RCOR3: variants seen among roughly 807,000 people sequenced by gnomAD.
RCOR3 encodes the protein REST corepressor 3.
RCOR3 carries 13 observed loss-of-function variants against 64.1 expected under a neutral mutation model. That is an observed-to-expected ratio of 0.20 (90% CI 0.13 to 0.32). RCOR3 has a LOEUF of 0.32. RCOR3 is among the 10% of genes least tolerant of loss of function. RCOR3 has a pLI of 1.00. For missense variants in RCOR3, 489 were observed against 701.2 expected (o/e 0.70, Z 3.42); for synonymous variants, 215 against 239.0 (o/e 0.90, Z 0.93).
In RCOR3 at chr1:211,272,612, C is replaced by CTTTTTTTTTTTTTT. The variant is rs768152573; in HGVS notation, c.301+1317_301+1330dup. Among the ~76,000 whole-genome samples the CTTTTTTTTTTTTTT allele has an allele frequency of 6.9e-5, 3 of 43,514 alleles. 1 individual carries two copies. The highest frequency in any genetic ancestry group is 1.9e-4 in the African/African-American group (2 of 10,302). The allele number at this position is 43,514 out of a possible 152,430, so 28.5% of individuals were successfully genotyped here. ...TCAAGGGTGGATCCTGGATGTCTTA[C>CTTTTTTTTTTTTTT]TTTTTTTTTTTTTTTTTTTTTTTTT... On this transcript the variant is annotated intron_variant, in intron 3 of 11. Transcript: ENST00000419091.
Position 211,313,437 on chromosome 1 carries a change from A to G in RCOR3, c.1331A>G (p.Gln444Arg). Residue 444 changes from glutamine to arginine, a missense_variant, in exon 12 of 12, where the codon CAG (glutamine) becomes CGG (arginine). This residue lies in a region of RCOR3 where 402 missense variants were observed against 617.0 expected (regional missense o/e 0.65). Coordinates refer to ENST00000419091, the MANE Select transcript of RCOR3 (RefSeq NM_001136223.3). This position sits in a 1 kb window ranked among gnomAD's most constrained non-coding sequence, Gnocchi z 4.7. ...TDEEEEAQTP[Q>R]APRTLGPSPP... is the part of the protein sequence containing the mutation. ...CCTCACCTCTAGGCACAGACCCCAC[A>G]GGCTCCTCGGACACTGGGTCCATCA... 6.2e-7 allele frequency: 1 copy of G among 1,613,472 alleles called. No homozygotes were observed. The highest frequency in any genetic ancestry group is 1.1e-5 in the South Asian group (1 of 90,998).
intron 7 of RCOR3, among the ~76,000 whole-genome samples, chr1:211,282,774 C>T (rs909788741): frequency 1.3e-5 from 2 of 152,212 alleles, no homozygotes; most frequent in African/African-American, 4.8e-5. Context: ...GCTGGGATTA[C>T]AGGCGTGAGC....
At chr1:211,307,364 G>T (rs938173496) in intron 10 of RCOR3, among the ~76,000 whole-genome samples, 8 of 151,802 alleles carry the variant, frequency 5.3e-5, no homozygotes, top group Non-Finnish European at 7.4e-5. Context: ...TGGTGCACAC[G>T]TGTAGTCCCA....
At chr1:211,265,984 T>A (rs1695116808) in intron 2 of RCOR3, among the ~76,000 whole-genome samples, 1 of 151,792 alleles carries the variant, frequency 6.6e-6, no homozygotes, top group African/African-American at 2.4e-5. Flanking sequence ...GAGAGAAGGG[T>A]ATTTGTGAAG....
chr1:211,279,412 T>A, intron 7 of RCOR3, 96 bp downstream of exon 7: 1 of 832,692 alleles, frequency 1.2e-6, no homozygotes, highest in Admixed American at 2.3e-5. Context: ...TTTAATGTAA[T>A]GCTTTATGAG....
chr1:211,262,957 G>A (rs1413070362), intron 2 of RCOR3, among the ~76,000 whole-genome samples: 19 of 150,152 alleles, frequency 1.3e-4, no homozygotes, highest in African/African-American at 4.4e-4. Context: ...GTGCCATGCT[G>A]GTGTGCTGCA....
At position 211,313,195 on chromosome 1, in the gene RCOR3, T is replaced by C; in HGVS notation, c.1318-229T>C. On this transcript the variant is annotated intron_variant, in intron 11 of 11. Transcript: ENST00000419091. This position sits in a 1 kb window ranked among gnomAD's most constrained non-coding sequence, Gnocchi z 4.7. ...TTCATAGTCTTATTTTTATTTTCAGTGTTAAGCTGTTTACAAATAAAGATG... is the reference window on the plus strand; with the variant it reads ...TTCATAGTCTTATTTTTATTTTCAGCGTTAAGCTGTTTACAAATAAAGATG... 1 of 1,433,330 alleles carries C rather than the reference T, an allele frequency of 7.0e-7. No individual in the cohort carries two copies. Among genetic ancestry groups the C allele is most frequent in the South Asian group, 1.5e-5 (1 of 64,662 alleles). 88.8% of individuals were successfully genotyped at this position (1,433,330 alleles called of 1,614,324 possible).
intron 9 of RCOR3, chr1:211,302,650 CAAT>C: frequency 6.6e-6 from 1 of 152,186 alleles, no homozygotes; most frequent in Non-Finnish European, 1.5e-5. Context: ...GATTGAACTG[CAAT>C]CAACCTTTTA....
chr1:211,288,234 TA>T (rs1425233172), intron 7 of RCOR3, among the ~76,000 whole-genome samples: 1 of 151,766 alleles, frequency 6.6e-6, no homozygotes, highest in South Asian at 2.1e-4. Context: ...ATTGGATTAT[TA>T]AATATATTCA....
intron 2 of RCOR3, among the ~76,000 whole-genome samples, chr1:211,262,093 A>G: frequency 9.3e-6 from 1 of 107,766 alleles, no homozygotes; most frequent in East Asian, 3.2e-4. Context: ...GCTGGAGTGC[A>G]GTGGCGTAAT....
chr1:211,304,019 A>T, intron 9 of RCOR3, 64 bp from the exon 10 acceptor site: 1 of 1,156,116 alleles, frequency 8.6e-7, no homozygotes. Context: ...ATTTAAAAAA[A>T]TAAGCGCTTT....
intron 10 of RCOR3, among the ~76,000 whole-genome samples, chr1:211,308,352 A>G (rs1342842168): frequency 6.6e-6 from 1 of 152,120 alleles, no homozygotes; most frequent in Non-Finnish European, 1.5e-5. Flanking sequence ...TTCTGCTGCT[A>G]TTGCTACCTT....
chr1:211,265,233 GTCT>G (rs1319909599), intron 2 of RCOR3, among the ~76,000 whole-genome samples: 1 of 152,056 alleles, frequency 6.6e-6, no homozygotes, highest in Admixed American at 6.6e-5. Context: ...TGATAATAAA[GTCT>G]TTATCTGTAT....
Position 211,308,460 on chromosome 1 carries a change from A to G in RCOR3, c.1076-4260A>G, listed in dbSNP as rs546000308. Among the ~76,000 whole-genome samples, 7 of 152,294 alleles carry G rather than the reference A, an allele frequency of 4.6e-5. No homozygotes were observed. The South Asian group carries it at 1.4e-3, about 32-fold the overall frequency. ...TGAGTTTAAAACATATGTCTTAATGATAGAAAAGAATCATATCCCTGGAGT... is the reference window on the plus strand; with the variant it reads ...TGAGTTTAAAACATATGTCTTAATGGTAGAAAAGAATCATATCCCTGGAGT... On this transcript the variant is annotated intron_variant, in intron 10 of 11. Transcript: ENST00000419091.
At chr1:211,263,552 C>T (rs1306256530) in intron 2 of RCOR3, among the ~76,000 whole-genome samples, 2 of 152,150 alleles carry the variant, frequency 1.3e-5, no homozygotes, top group African/African-American at 4.8e-5. Flanking sequence ...CCTAAGGACA[C>T]AATTAAAACT....
In RCOR3 at chr1:211,278,250, G is replaced by T. The variant is rs765345230; in HGVS notation, c.641+9G>T. On this transcript the variant is annotated intron_variant, in intron 6 of 11. Coordinates refer to ENST00000419091, the MANE Select transcript of RCOR3 (RefSeq NM_001136223.3). ...CATAATCAGGGTGACAGGTAGGTTG[G>T]TTACCTTCATATAGTTACATTGTTA... 6.2e-7 allele frequency: 1 copy of T among 1,613,420 alleles called. No individual in the cohort carries two copies. Among genetic ancestry groups the T allele is most frequent in the South Asian group, 1.1e-5 (1 of 91,014 alleles).
chr1:211,260,221 G>C, intron 2 of RCOR3, 57 bp downstream of exon 2: 1 of 1,552,468 alleles, frequency 6.4e-7, no homozygotes, highest in Non-Finnish European at 8.9e-7. Flanking sequence ...TTGGTTTGGG[G>C]TGGACGGGCT....
intron 3 of RCOR3, among the ~76,000 whole-genome samples, chr1:211,272,209 G>T (rs1462799873): frequency 6.6e-6 from 1 of 152,320 alleles, no homozygotes; most frequent in East Asian, 1.9e-4. Context: ...GAAATTGTGT[G>T]CCCTTGAAGC....
intron 10 of RCOR3, among the ~76,000 whole-genome samples, chr1:211,304,601 C>T (rs1471810570): frequency 2.0e-5 from 3 of 152,138 alleles, no homozygotes; most frequent in Non-Finnish European, 4.4e-5. Flanking sequence ...GTGTTTCATA[C>T]TTCCCTTAAG....
Sources: allele counts gnomAD v4.1 joint callset (sites outside exome capture counted in the v4.1 genomes callset), GRCh38; gene constraint gnomAD v4.1.1; regional missense constraint gnomAD v4.1.1; non-coding constraint Gnocchi (gnomAD v3.1); transcripts MANE v1.5; gene names NCBI Gene and HGNC (gene_info 2026-07-23, HGNC 2026-07-21).